LRP1B: variants seen among roughly 807,000 people sequenced by gnomAD.
LRP1B encodes LDL receptor related protein 1B, also known as low-density lipoprotein receptor-related protein 1B.
In LRP1B, 217 loss-of-function variants were observed where a neutral mutation model predicts 556.6. That is an observed-to-expected ratio of 0.39 (90% CI 0.35 to 0.44). LRP1B has a LOEUF of 0.44. LRP1B is among the 20% of genes least tolerant of loss of function. The pLI is 1.00. For missense variants in LRP1B, 5,053 were observed against 5,620.8 expected (o/e 0.90, Z 3.23); for synonymous variants, 2,047 against 1,865.8 (o/e 1.10, Z -2.50).
intron 31 of LRP1B, among the ~76,000 whole-genome samples, chr2:140,827,105 G>C (rs569716988): frequency 1.3e-5 from 2 of 152,078 alleles, no homozygotes; most frequent in African/African-American, 4.8e-5. Context: ...ATCAATCTAG[G>C]ATTAAGTTGA....
chr2:140,372,896 A>G, intron 69 of LRP1B, 112 bp downstream of exon 69: 1 of 1,135,242 alleles, frequency 8.8e-7, no homozygotes, highest in East Asian at 2.4e-5. Flanking sequence ...CCTTTCTTAA[A>G]AATGGTAAAC....
intron 11 of LRP1B, among the ~76,000 whole-genome samples, chr2:141,022,256 T>C (rs889826856): frequency 6.6e-6 from 1 of 151,514 alleles, no homozygotes; most frequent in Admixed American, 6.6e-5. Context: ...TTAGCCTAGA[T>C]TATTTTTTAA....
At chr2:140,605,557 A>G (rs1304155179) in intron 41 of LRP1B, among the ~76,000 whole-genome samples, 5 of 147,406 alleles carry the variant, frequency 3.4e-5, no homozygotes, top group Non-Finnish European at 7.5e-5. Context: ...TCTTTATTTT[A>G]TCTTTTTCTT....
At chr2:140,303,704 A>G (rs1464863937) in intron 83 of LRP1B, among the ~76,000 whole-genome samples, 2 of 152,162 alleles carry the variant, frequency 1.3e-5, no homozygotes, top group Non-Finnish European at 2.9e-5. Flanking sequence ...AGGTGTGCAC[A>G]ACATGCGGGT....
chr2:141,121,495 C>A (rs1020920072), intron 7 of LRP1B, among the ~76,000 whole-genome samples: 1 of 151,988 alleles, frequency 6.6e-6, no homozygotes, highest in African/African-American at 2.4e-5. Context: ...AACTCCCATT[C>A]ACAACTGCTT....
intron 82 of LRP1B, among the ~76,000 whole-genome samples, chr2:140,319,429 T>C (rs1385851648): frequency 6.6e-6 from 1 of 152,126 alleles, no homozygotes; most frequent in Admixed American, 6.6e-5. Flanking sequence ...TGAGGGATTA[T>C]GTGGAACTGC....
intron 41 of LRP1B, among the ~76,000 whole-genome samples, chr2:140,618,066 C>A (rs1574148997): frequency 6.6e-6 from 1 of 151,792 alleles, no homozygotes; most frequent in Admixed American, 6.6e-5. Context: ...ATTTATTTCC[C>A]AACTTTGTTA....
At chr2:141,024,708 A>C (rs1347879421) in intron 11 of LRP1B, among the ~76,000 whole-genome samples, 1 of 152,046 alleles carries the variant, frequency 6.6e-6, no homozygotes, top group Non-Finnish European at 1.5e-5. Flanking sequence ...TAGAAGACAC[A>C]AGACTTGTGG....
chr2:140,790,009 C>T (rs891754466), intron 32 of LRP1B, among the ~76,000 whole-genome samples: 2 of 152,196 alleles, frequency 1.3e-5, no homozygotes, highest in Admixed American at 6.5e-5. Flanking sequence ...TTCTTGTCAT[C>T]CAGATCTATG....
At chr2:140,297,530 G>GAAGTGCA (rs1266582321) in intron 84 of LRP1B, among the ~76,000 whole-genome samples, 1 of 152,124 alleles carries the variant, frequency 6.6e-6, no homozygotes, top group African/African-American at 2.4e-5. Flanking sequence ...GATTTGCTAA[G>GAAGTGCA]AAGTGCAAAA....
chr2:141,850,490 T>A (rs1254327663), intron 1 of LRP1B, among the ~76,000 whole-genome samples: 2 of 151,654 alleles, frequency 1.3e-5, no homozygotes, highest in Admixed American at 1.3e-4. Context: ...ATTTTATTTT[T>A]AATTCATGAT....
intron 1 of LRP1B, among the ~76,000 whole-genome samples, chr2:141,854,345 GA>G (rs1024551732): frequency 1.5e-4 from 23 of 151,898 alleles, no homozygotes; most frequent in Non-Finnish European, 1.5e-5. Flanking sequence ...AGCAAGGGGG[GA>G]AAAAGCAATT....
chr2:141,362,695 T>C (rs1363427837), intron 3 of LRP1B, among the ~76,000 whole-genome samples: 1 of 152,196 alleles, frequency 6.6e-6, no homozygotes, highest in Non-Finnish European at 1.5e-5. Context: ...CTCTTCTTTT[T>C]GGTTCACAAA....
At chr2:141,373,253 T>C (rs1689300128) in intron 3 of LRP1B, among the ~76,000 whole-genome samples, 2 of 152,094 alleles carry the variant, frequency 1.3e-5, no homozygotes, top group African/African-American at 2.4e-5. Context: ...TAAAAATTTT[T>C]TGTGGCCTAA....
At chr2:141,635,795 C>T (rs1689091629) in intron 2 of LRP1B, among the ~76,000 whole-genome samples, 1 of 152,176 alleles carries the variant, frequency 6.6e-6, no homozygotes, top group South Asian at 2.1e-4. Flanking sequence ...ACAATATAAA[C>T]ATATCACTTG....
chr2:140,935,526 C>T (rs187605856), intron 20 of LRP1B, among the ~76,000 whole-genome samples: 1 of 152,012 alleles, frequency 6.6e-6, no homozygotes, highest in East Asian at 1.9e-4. Flanking sequence ...AAACTGAACA[C>T]AGTATAAGAG....
chr2:141,323,662 C>A (rs1229673816), intron 3 of LRP1B, among the ~76,000 whole-genome samples: 3 of 151,928 alleles, frequency 2.0e-5, no homozygotes, highest in Admixed American at 2.0e-4. Flanking sequence ...AGAGGTTTTT[C>A]CTAGTCCTAA....
At chr2:140,304,506 G>A (rs71408445) in intron 83 of LRP1B, among the ~76,000 whole-genome samples, 49,826 of 151,920 alleles carry the variant, frequency 0.33, 8,937 homozygotes, top group Non-Finnish European at 0.42. Flanking sequence ...TGATGGGATT[G>A]TTTTTTTCTT....
chr2:141,282,882 G>A (rs1175150756), intron 3 of LRP1B, among the ~76,000 whole-genome samples: 1 of 152,136 alleles, frequency 6.6e-6, no homozygotes, highest in Non-Finnish European at 1.5e-5. Flanking sequence ...TTTAAAGAAT[G>A]TAAGCAGTTG....
Sources: allele counts gnomAD v4.1 joint callset (sites outside exome capture counted in the v4.1 genomes callset), GRCh38; gene constraint gnomAD v4.1.1; transcripts MANE v1.5; gene names NCBI Gene and HGNC (gene_info 2026-07-23, HGNC 2026-07-21).